GRB2: variants seen among roughly 807,000 people sequenced by gnomAD.
The protein encoded by GRB2 is growth factor receptor-bound protein 2.
In GRB2, 2 loss-of-function variants were observed where a neutral mutation model predicts 27.4. That is an observed-to-expected ratio of 0.07 (90% CI 0.03 to 0.23). The LOEUF (loss-of-function observed/expected upper bound fraction) is 0.23, where lower values mean the gene tolerates loss of function less well. Among genes scored for constraint, GRB2 ranks in the 10% least tolerant of loss-of-function variants. GRB2 has a pLI of 1.00. For missense variants in GRB2, 102 were observed against 282.4 expected (o/e 0.36, Z 4.58); for synonymous variants, 94 against 99.6 (o/e 0.94, Z 0.33).
chr17:75,366,274 C>T (rs1378457420), intron 2 of GRB2, among the ~76,000 whole-genome samples: 4 of 151,534 alleles, frequency 2.6e-5, no homozygotes, highest in African/African-American at 7.3e-5. Flanking sequence ...ACACATAACT[C>T]GACTGTGTAG....
intron 2 of GRB2, among the ~76,000 whole-genome samples, chr17:75,336,822 C>T (rs1487210302): frequency 6.6e-6 from 1 of 152,160 alleles, no homozygotes; most frequent in African/African-American, 2.4e-5. Context: ...ACTGCAACCT[C>T]CACTTCCCGG....
chr17:75,334,702 G>C (rs570976609), intron 2 of GRB2, among the ~76,000 whole-genome samples: 54 of 152,166 alleles, frequency 3.5e-4, no homozygotes, highest in Admixed American at 9.2e-4. Flanking sequence ...CAGTTTGGAA[G>C]GCTAAGGTGG....
At chr17:75,337,889 CTACTACTACTACTATTATTATTAT>C (rs1400754677) in intron 2 of GRB2, among the ~76,000 whole-genome samples, 3 of 125,414 alleles carry the variant, frequency 2.4e-5, no homozygotes, top group Non-Finnish European at 5.0e-5. Context: ...ACTACTACTA[CTACTACTACTACTATTATTATTAT>C]TATTATTATT....
chr17:75,341,451 A>T (rs1242482028), intron 2 of GRB2, among the ~76,000 whole-genome samples: 897 of 33,692 alleles, frequency 0.027, 13 homozygotes, highest in African/African-American at 0.032. Context: ...CTCCATTAAA[A>T]AAAAAAAAAA....
intron 2 of GRB2, among the ~76,000 whole-genome samples, chr17:75,369,348 CAAT>C (rs1448721575): frequency 2.0e-5 from 3 of 152,056 alleles, no homozygotes; most frequent in African/African-American, 4.8e-5. Flanking sequence ...AGTAGCAGCA[CAAT>C]GTTATAGGAA....
chr17:75,340,877 G>A (rs1325745659), intron 2 of GRB2, among the ~76,000 whole-genome samples: 1 of 151,970 alleles, frequency 6.6e-6, no homozygotes, highest in Non-Finnish European at 1.5e-5. Flanking sequence ...CAATTTTAGT[G>A]ATGAGATAAC....
chr17:75,328,663 G>A (rs1464579486), intron 3 of GRB2, among the ~76,000 whole-genome samples: 2 of 147,914 alleles, frequency 1.4e-5, no homozygotes. Flanking sequence ...AATAGGCCGG[G>A]TGTGGTGGCT....
At chr17:75,337,892 C>CTATTATTATTAT (rs1439039316) in intron 2 of GRB2, among the ~76,000 whole-genome samples, 1 of 127,650 alleles carries the variant, frequency 7.8e-6, no homozygotes, top group African/African-American at 3.1e-5. Flanking sequence ...ACTACTACTA[C>CTATTATTATTAT]TACTACTACT....
At chr17:75,374,748 GCCACTGCACTCCCAA>G (rs1302197350) in intron 2 of GRB2, among the ~76,000 whole-genome samples, 1 of 151,502 alleles carries the variant, frequency 6.6e-6, no homozygotes, top group Non-Finnish European at 1.5e-5. Context: ...GATCAATCAC[GCCACTGCACTCCCAA>G]CCTGGCCAAC....
At chr17:75,339,256 C>G in intron 2 of GRB2, 4 of 600,634 alleles carry the variant, frequency 6.7e-6, no homozygotes, top group South Asian at 3.7e-5. Context: ...TGCAGTGGCA[C>G]GATCTCGGCT....
chr17:75,377,136 C>CA lies in GRB2; in HGVS notation c.78+16414dup, dbSNP rs200702572. Among the ~76,000 whole-genome samples the CA allele has an allele frequency of 9.2e-3, 1,350 of 147,280 alleles. 23 individuals are homozygous for CA. Among genetic ancestry groups the CA allele is most frequent in the African/African-American group, 0.031 (1,233 of 40,212 alleles). On this transcript the variant is annotated intron_variant, in intron 2 of 5. Transcript: ENST00000316804. ...TGGGCAACATAGTGACCCCCCGCTA[C>CA]AAAAAAAAAATATTAAAAGTTACAT...
At chr17:75,375,655 G>A (rs1303560171) in intron 2 of GRB2, among the ~76,000 whole-genome samples, 1 of 152,144 alleles carries the variant, frequency 6.6e-6, no homozygotes. Context: ...GCCGAGGCAG[G>A]CAGATTAACT....
At chr17:75,380,850 G>C (rs374416910) in intron 2 of GRB2, among the ~76,000 whole-genome samples, 1 of 152,090 alleles carries the variant, frequency 6.6e-6, no homozygotes, top group Admixed American at 6.6e-5. Context: ...TCAGAAATCT[G>C]GTTAACATAG....
intron 2 of GRB2, 128 bp from the exon 3 acceptor site, chr17:75,332,925 G>A: frequency 1.9e-6 from 1 of 538,800 alleles, no homozygotes; most frequent in Middle Eastern, 4.8e-4. Flanking sequence ...CAGTTATACG[G>A]ATATAAGACT....
Position 75,382,250 on chromosome 17 carries a change from C to T in GRB2, c.78+11301G>A, listed in dbSNP as rs80226678. Among the ~76,000 whole-genome samples, 13 of 150,946 alleles carry T rather than the reference C, an allele frequency of 8.6e-5. 2 individuals are homozygous for T. The East Asian group carries it at 2.5e-3, about 29-fold the overall frequency. ...AAAAAAAAAGTCCTGGGTAATGTAT[C>T]GAGACCTTGTCTCAAAAAAAAAGGA... On this transcript the variant is annotated intron_variant, in intron 2 of 5. Transcript: ENST00000316804.
At chr17:75,325,309 G>A (rs535399685) in intron 4 of GRB2, among the ~76,000 whole-genome samples, 2 of 152,076 alleles carry the variant, frequency 1.3e-5, no homozygotes, top group South Asian at 4.1e-4. Context: ...TCAAAATCCC[G>A]ACTTCACAGC....
At chr17:75,347,661 A>G (rs1479154352) in intron 2 of GRB2, among the ~76,000 whole-genome samples, 1 of 152,170 alleles carries the variant, frequency 6.6e-6, no homozygotes, top group Non-Finnish European at 1.5e-5. Context: ...CAGACACAGG[A>G]CAAGACCTTG....
At position 75,327,971 on chromosome 17, in the gene GRB2, C is replaced by G. The variant is rs1489622539; in HGVS notation, c.177-1951G>C. On this transcript the variant is annotated intron_variant, in intron 3 of 5. Coordinates refer to ENST00000316804, the MANE Select transcript of GRB2 (RefSeq NM_002086.5). ...AACTCAAGGCTAGGGCCTGCAGTGC[C>G]TGGAAATCAGGCCACACAAGAGAAA... is the stretch of plus-strand genomic sequence containing the variant. Among the ~76,000 whole-genome samples the G allele has an allele frequency of 3.3e-5, 5 of 151,488 alleles. No individual in the cohort carries two copies. The East Asian group carries it at 7.7e-4, about 23-fold the overall frequency.
At chr17:75,330,955 G>A (rs1008502021) in intron 3 of GRB2, among the ~76,000 whole-genome samples, 1 of 152,034 alleles carries the variant, frequency 6.6e-6, no homozygotes, top group African/African-American at 2.4e-5. Flanking sequence ...TAGCTGACAT[G>A]GTGCTACATT....
Sources: gnomAD v4.1 joint callset for allele counts (sites outside exome capture counted in the v4.1 genomes callset) on GRCh38, gnomAD v4.1.1 for gene constraint, MANE v1.5 for transcripts, NCBI Gene and HGNC (gene_info 2026-07-23, HGNC 2026-07-21) for gene names.